The following RBM47 variants were observed in gnomAD, a reference collection of about 807,000 sequenced individuals.
RBM47 encodes the protein RNA binding motif protein 47.
In RBM47, 21 loss-of-function variants were observed where a neutral mutation model predicts 47.1. The observed-to-expected ratio is 0.45, with a 90% CI of 0.32 to 0.64. The LOEUF is 0.64. Ranked by LOEUF, RBM47 falls within the 30% of genes least tolerant of loss-of-function variation. The pLI, the probability that RBM47 is intolerant of heterozygous loss-of-function variation, is 0.05. For missense variants in RBM47, 708 were observed against 870.9 expected, an observed-to-expected ratio of 0.81 and a Z score of 2.35; for synonymous variants, 375 against 361.7, an observed-to-expected ratio of 1.04 and a Z score of -0.42.
chr4:40,423,512 T>A lies in RBM47; in HGVS notation c.*2392A>T, dbSNP rs1714623852. On this transcript the variant is annotated 3_prime_UTR_variant, in exon 7 of 7. Coordinates refer to ENST00000295971, the MANE Select transcript of RBM47 (RefSeq NM_001098634.2). ...TATAAACTTACCTCAGTAGTGTACA[T>A]GAAATGGTTTTGAAACAATAGGAAC... 1.3e-5 allele frequency: 2 copies of A among 152,060 alleles called. No homozygotes were observed. The highest frequency in any genetic ancestry group is 2.1e-4 in the South Asian group (1 of 4,826). 9.4% of individuals were successfully genotyped at this position (152,060 alleles called of 1,614,324 possible).
chr4:40,550,423 C>T (rs2102162), intron 1 of RBM47, among the ~76,000 whole-genome samples: 67,692 of 151,796 alleles, frequency 0.45, 18,814 homozygotes, highest in African/African-American at 0.79. Context: ...GTTTATCATA[C>T]GTAATTTTTT....
At chr4:40,468,773 T>C (rs1718422754) in intron 2 of RBM47, among the ~76,000 whole-genome samples, 1 of 152,202 alleles carries the variant, frequency 6.6e-6, no homozygotes, top group Admixed American at 6.5e-5. Flanking sequence ...TACAGAGCAA[T>C]AGCTGTTAAA....
At chr4:40,578,151 A>G (rs1042679542) in intron 1 of RBM47, among the ~76,000 whole-genome samples, 3 of 152,212 alleles carry the variant, frequency 2.0e-5, no homozygotes, top group African/African-American at 7.2e-5. Flanking sequence ...AGGACGAAGA[A>G]ATAACACCAA....
intron 1 of RBM47, among the ~76,000 whole-genome samples, chr4:40,582,411 G>C (rs182787718): frequency 5.9e-5 from 9 of 152,272 alleles, no homozygotes; most frequent in Admixed American, 2.6e-4. Context: ...GTGCGTGCCT[G>C]TAATCCCAGC....
chr4:40,459,263 A>G (rs946809665), intron 3 of RBM47, among the ~76,000 whole-genome samples: 1 of 152,270 alleles, frequency 6.6e-6, no homozygotes, highest in African/African-American at 2.4e-5. Context: ...GTTTGAATAA[A>G]AGAATGAATG....
chr4:40,535,833 C>T (rs1163396651), intron 2 of RBM47, among the ~76,000 whole-genome samples: 1 of 152,124 alleles, frequency 6.6e-6, no homozygotes, highest in Admixed American at 6.6e-5. Context: ...GCTGGGATTA[C>T]AGGCATGAGC....
chr4:40,562,460 T>A (rs1423137332), intron 1 of RBM47, among the ~76,000 whole-genome samples: 4 of 137,404 alleles, frequency 2.9e-5, no homozygotes, highest in African/African-American at 2.9e-5. Flanking sequence ...CACTTCTCCC[T>A]ATTTTTTTTT....
intron 1 of RBM47, among the ~76,000 whole-genome samples, chr4:40,557,617 T>A (rs1232765872): frequency 6.6e-6 from 1 of 152,064 alleles, no homozygotes; most frequent in Non-Finnish European, 1.5e-5. Flanking sequence ...GGCATGGTGG[T>A]GGGTGCCAGA....
intron 2 of RBM47, among the ~76,000 whole-genome samples, chr4:40,517,859 G>A (rs1488956568): frequency 6.6e-6 from 1 of 152,146 alleles, no homozygotes; most frequent in Non-Finnish European, 1.5e-5. Flanking sequence ...AAGTCATCTA[G>A]AGATGACTCA....
intron 1 of RBM47, among the ~76,000 whole-genome samples, chr4:40,553,765 G>A (rs1577946298): frequency 6.6e-6 from 1 of 152,138 alleles, no homozygotes; most frequent in African/African-American, 2.4e-5. Context: ...CCTGGTTGGA[G>A]AGATAATAAG....
intron 1 of RBM47, among the ~76,000 whole-genome samples, chr4:40,620,622 C>CCAG (rs1187347133): frequency 2.3e-4 from 35 of 152,212 alleles, no homozygotes; most frequent in African/African-American, 8.4e-4. Context: ...ATAATTACCA[C>CCAG]CAGCTCCCTC....
At chr4:40,430,424 C>G (rs1313448158) in intron 6 of RBM47, among the ~76,000 whole-genome samples, 1 of 152,198 alleles carries the variant, frequency 6.6e-6, no homozygotes, top group Non-Finnish European at 1.5e-5. Flanking sequence ...CAGAATTCCA[C>G]TAAGTACTGC....
intron 1 of RBM47, among the ~76,000 whole-genome samples, chr4:40,561,547 T>TCC: frequency 7.3e-6 from 1 of 136,556 alleles, no homozygotes; most frequent in African/African-American, 2.9e-5. Context: ...TTCTTTTCTT[T>TCC]TTTTTTTCTT....
At chr4:40,449,966 G>GCCA (rs1330444628) in intron 3 of RBM47, among the ~76,000 whole-genome samples, 1 of 152,126 alleles carries the variant, frequency 6.6e-6, no homozygotes, top group Non-Finnish European at 1.5e-5. Context: ...ATAGGTGTGA[G>GCCA]CCACCGCACC....
intron 3 of RBM47, among the ~76,000 whole-genome samples, chr4:40,462,096 C>T (rs1717227687): frequency 6.6e-6 from 1 of 152,264 alleles, no homozygotes; most frequent in Non-Finnish European, 1.5e-5. Flanking sequence ...ACTGTCATCT[C>T]CAAGCCCGTC....
chr4:40,619,217 C>T (rs906740517), intron 1 of RBM47, among the ~76,000 whole-genome samples: 2 of 152,066 alleles, frequency 1.3e-5, no homozygotes, highest in African/African-American at 4.8e-5. Flanking sequence ...TTATTTGAGC[C>T]CAGAAATTCA....
chr4:40,510,394 G>T (rs981862383), intron 2 of RBM47, among the ~76,000 whole-genome samples: 2 of 151,904 alleles, frequency 1.3e-5, no homozygotes, highest in Non-Finnish European at 2.9e-5. Context: ...TCATATATCT[G>T]GTACATATTT....
At chr4:40,479,704 T>C (rs1378355996) in intron 2 of RBM47, among the ~76,000 whole-genome samples, 4 of 152,156 alleles carry the variant, frequency 2.6e-5, no homozygotes, top group Non-Finnish European at 4.4e-5. Context: ...AGTCTAGCTA[T>C]GTTGCTCAGG....
At chr4:40,586,115 C>T (rs1289677993) in intron 1 of RBM47, among the ~76,000 whole-genome samples, 1 of 152,234 alleles carries the variant, frequency 6.6e-6, no homozygotes, top group Non-Finnish European at 1.5e-5. Context: ...GCAGAATTAA[C>T]ATGTTAGGGA....
Sources: allele counts gnomAD v4.1 joint callset (sites outside exome capture counted in the v4.1 genomes callset), GRCh38; gene constraint gnomAD v4.1.1; transcripts MANE v1.5; gene names NCBI Gene and HGNC (gene_info 2026-07-23, HGNC 2026-07-21).